The following WNT7B variants were observed in gnomAD, a reference collection of about 807,000 sequenced individuals.
WNT7B encodes the protein protein Wnt-7b.
A neutral mutation model predicts 38.2 loss-of-function variants in WNT7B; 19 were observed. The ratio of observed to expected loss-of-function variants is 0.50; its 90% CI spans 0.35 to 0.73. The LOEUF (loss-of-function observed/expected upper bound fraction) is 0.73. Among genes scored for constraint, WNT7B ranks in the 30% least tolerant of loss-of-function variants. The pLI is 0.01. For missense variants in WNT7B, 423 were observed against 507.9 expected, an observed-to-expected ratio of 0.83 and a Z score of 1.61; for synonymous variants, 243 against 209.3, an observed-to-expected ratio of 1.16 and a Z score of -1.39.
In WNT7B at chr22:45,953,811, C is replaced by T. The variant is rs149028109; in HGVS notation, c.72-3665G>A. On this transcript the variant is annotated intron_variant, in intron 1 of 3. Coordinates refer to ENST00000339464, the MANE Select transcript of WNT7B (RefSeq NM_058238.3). ...AGAAATTGAAACCCTCACACATTGA[C>T]GATAGGAGCGGACAATGGTATAGCC... Among the ~76,000 whole-genome samples, 4 of 151,884 alleles carry T rather than the reference C, an allele frequency of 2.6e-5. No individual in the cohort carries two copies. In the East Asian group the frequency reaches 7.7e-4, roughly 29 times the overall value.
At chr22:45,969,627 C>A (rs1040489741) in intron 1 of WNT7B, among the ~76,000 whole-genome samples, 1 of 152,246 alleles carries the variant, frequency 6.6e-6, no homozygotes, top group African/African-American at 2.4e-5. Flanking sequence ...AGGGCGCTTC[C>A]AGGCCAACAC....
chr22:45,928,738 A>G (rs1042431608), intron 3 of WNT7B, among the ~76,000 whole-genome samples: 10 of 152,134 alleles, frequency 6.6e-5, no homozygotes, highest in Non-Finnish European at 1.0e-4. Context: ...GAGCTAAATC[A>G]GACACAACCC....
At chr22:45,973,223 C>T (rs146398904) in intron 1 of WNT7B, among the ~76,000 whole-genome samples, 48 of 152,364 alleles carry the variant, frequency 3.2e-4, no homozygotes, top group African/African-American at 9.9e-4. Context: ...CCTACAAAGA[C>T]GTTCTCCCTC....
At position 45,976,770 on chromosome 22, in the gene WNT7B, G is replaced by A. The variant is rs765941233; in HGVS notation, c.-16C>T. On this transcript the variant is annotated 5_prime_UTR_variant, in exon 1 of 4. Transcript: ENST00000339464. This position sits in a 1 kb window ranked among gnomAD's most constrained non-coding sequence, Gnocchi z 8.5. ...TTCTGTGCATGATCCAGGGAGGGGG[G>A]CTGCGCCATAGACAGCGGCGGCCGG... 1.9e-6 allele frequency: 3 copies of A among 1,601,806 alleles called. No homozygotes were observed. The highest frequency in any genetic ancestry group is 1.7e-5 in the Admixed American group (1 of 59,516).
chr22:45,967,141 G>T (rs1932330017), intron 1 of WNT7B, among the ~76,000 whole-genome samples: 1 of 152,224 alleles, frequency 6.6e-6, no homozygotes, highest in African/African-American at 2.4e-5. Context: ...AGCCTGAGGT[G>T]AGGCCCCCAG....
chr22:45,933,783 C>T (rs1487213708), intron 2 of WNT7B, among the ~76,000 whole-genome samples: 2 of 152,124 alleles, frequency 1.3e-5, no homozygotes, highest in Non-Finnish European at 2.9e-5. Flanking sequence ...CTGTGACAGG[C>T]GTGCACTCCC....
intron 2 of WNT7B, among the ~76,000 whole-genome samples, chr22:45,938,321 G>T (rs1056829815): frequency 5.3e-5 from 8 of 152,128 alleles, no homozygotes; most frequent in African/African-American, 1.9e-4. Flanking sequence ...GGGTGTTGGA[G>T]GATAAAGAAA....
Position 45,923,076 on chromosome 22 carries a change from T to A in WNT7B, c.830A>T (p.Tyr277Phe). Residue 277 changes from tyrosine (Y) to phenylalanine (F), a missense_variant, in exon 4 of 4, where the codon TAC becomes TTC. Physicochemically the swap from Tyr to Phe is conservative, Grantham distance 22 (BLOSUM62 3). Coordinates refer to ENST00000339464, the MANE Select transcript of WNT7B (RefSeq NM_058238.3). ...GCCCGTGGCCGCGTCCTCCTCGCAGTAGTTGGGCGACTTCTCAATGTACAC... is the reference window on the plus strand; with the variant it reads ...GCCCGTGGCCGCGTCCTCCTCGCAGAAGTTGGGCGACTTCTCAATGTACAC... ...DLVYIEKSPN[Y>F]CEEDAATGSV... 1.9e-6 allele frequency: 3 copies of A among 1,613,410 alleles called. No individual in the cohort carries two copies. The highest frequency in any genetic ancestry group is 2.5e-6 in the Non-Finnish European group (3 of 1,179,806).
intron 1 of WNT7B, among the ~76,000 whole-genome samples, chr22:45,956,082 C>T (rs556707937): frequency 3.9e-5 from 6 of 152,152 alleles, no homozygotes; most frequent in East Asian, 3.9e-4. Flanking sequence ...AGGTGACAGA[C>T]GAGAGCAGGA....
At chr22:45,931,425 T>TCAGGGGA (rs1287205201) in intron 2 of WNT7B, 56 bp from the exon 3 acceptor site, 1 of 1,510,878 alleles carries the variant, frequency 6.6e-7, no homozygotes, top group East Asian at 2.3e-5. Context: ...CCAGGTGGGC[T>TCAGGGGA]CAGGGGACAG....
chr22:45,942,196 G>T (rs941763031), intron 2 of WNT7B, among the ~76,000 whole-genome samples: 2 of 152,172 alleles, frequency 1.3e-5, no homozygotes, highest in Non-Finnish European at 2.9e-5. Context: ...GGTGTTACCC[G>T]GCCCAGCTGG....
rs1333275744 is a variant in WNT7B, at chr22:45,921,034, G to C, written c.*1822C>G. 6.6e-6 allele frequency: 1 copy of C among 152,290 alleles called. No individual in the cohort carries two copies. The highest frequency in any genetic ancestry group is 1.5e-5 in the Non-Finnish European group (1 of 68,130). The allele number at this position is 152,290 out of a possible 1,614,324, so 9.4% of individuals were successfully genotyped here. A position where few individuals can be genotyped will look rare whatever the true frequency, so the allele number is the denominator to read the frequency against. On this transcript the variant is annotated 3_prime_UTR_variant, in exon 4 of 4. Coordinates refer to ENST00000339464, the MANE Select transcript of WNT7B (RefSeq NM_058238.3). ...GCTGGACCACAGGGCCAGAGCCCAGGAGGGACCCACTTGCCCCAGGCTGAG... is the reference window on the plus strand; with the variant it reads ...GCTGGACCACAGGGCCAGAGCCCAGCAGGGACCCACTTGCCCCAGGCTGAG...
intron 2 of WNT7B, among the ~76,000 whole-genome samples, chr22:45,948,115 C>G (rs942852035): frequency 6.6e-6 from 1 of 152,236 alleles, no homozygotes; most frequent in Non-Finnish European, 1.5e-5. Flanking sequence ...GCGAGGGACA[C>G]CTGATCGACG....
rs565650462 is a variant in WNT7B, at chr22:45,944,961, G to T, written c.298+4959C>A. On this transcript the variant is annotated intron_variant, in intron 2 of 3. Coordinates refer to ENST00000339464, the MANE Select transcript of WNT7B (RefSeq NM_058238.3). ...CGTCTGCCCCTGACCAGATGACTTT[G>T]GGCCACCCCCTCCTGTCCCCTATGG... Among the ~76,000 whole-genome samples, 5 of 152,354 alleles carry T rather than the reference G, an allele frequency of 3.3e-5. No individual in the cohort carries two copies. The East Asian group carries it at 9.6e-4, about 29-fold the overall frequency.
At chr22:45,962,392 C>T (rs895535977) in intron 1 of WNT7B, among the ~76,000 whole-genome samples, 8 of 152,190 alleles carry the variant, frequency 5.3e-5, no homozygotes, top group Non-Finnish European at 8.8e-5. Context: ...AGATCTCTAC[C>T]GGCACCCAGG....
chr22:45,947,107 C>T (rs1371832061), intron 2 of WNT7B, among the ~76,000 whole-genome samples: 1 of 152,232 alleles, frequency 6.6e-6, no homozygotes, highest in Non-Finnish European at 1.5e-5. Context: ...CATGACTCCC[C>T]GCAGCTGAGC....
chr22:45,973,583 T>G (rs1030741219), intron 1 of WNT7B, among the ~76,000 whole-genome samples: 2 of 152,090 alleles, frequency 1.3e-5, no homozygotes, highest in Non-Finnish European at 2.9e-5. Flanking sequence ...CGACTCCAGT[T>G]CCAGTGAGCA....
intron 2 of WNT7B, among the ~76,000 whole-genome samples, chr22:45,947,864 G>A (rs1245842988): frequency 2.0e-5 from 3 of 152,134 alleles, no homozygotes; most frequent in Admixed American, 6.5e-5. Context: ...AGACTGAGAC[G>A]GGATGCAGCG....
Position 45,923,206 on chromosome 22 carries a change from C to T in WNT7B, c.700G>A (p.Ala234Thr), listed in dbSNP as rs1294922395. ...CGCACCACCTCCACCTGCACGGCCG[C>T]GTTGTACTTCTCCTTCAGCAGGTGG... is the stretch of plus-strand genomic sequence containing the variant. ...VGHLLKEKYN[A>T]AVQVEVVRAS... Residue 234 changes from alanine to threonine, a missense_variant, in exon 4 of 4, where the codon GCG becomes ACG. By Grantham distance (58) the Ala-to-Thr change is moderately conservative. This residue lies in a region of WNT7B where 158 missense variants were observed against 214.7 expected (regional missense o/e 0.74). Coordinates refer to ENST00000339464, the MANE Select transcript of WNT7B (RefSeq NM_058238.3). 6.2e-6 allele frequency: 10 copies of T among 1,613,164 alleles called. No homozygotes were observed. The highest frequency in any genetic ancestry group is 1.3e-5 in the African/African-American group (1 of 75,068).
Sources: allele counts gnomAD v4.1 joint callset (sites outside exome capture counted in the v4.1 genomes callset), GRCh38; gene constraint gnomAD v4.1.1; regional missense constraint gnomAD v4.1.1; non-coding constraint Gnocchi (gnomAD v3.1); transcripts MANE v1.5; gene names NCBI Gene and HGNC (gene_info 2026-07-23, HGNC 2026-07-21).